The following VANGL1 variants were observed in gnomAD, a reference collection of about 807,000 sequenced individuals.
The protein encoded by VANGL1 is vang-like protein 1.
Under a neutral mutation model 48.4 loss-of-function variants are expected in VANGL1, and 18 were observed. The observed-to-expected ratio is 0.37, with a 90% CI of 0.26 to 0.55. The LOEUF is 0.55. Among genes scored for constraint, VANGL1 ranks in the 20% least tolerant of loss-of-function variants. VANGL1 has a pLI of 0.81. For missense variants in VANGL1, 667 were observed against 675.8 expected (o/e 0.99, Z 0.14); for synonymous variants, 257 against 261.8 (o/e 0.98, Z 0.18).
At chr1:115,651,949 G>GT (rs1409284548) in intron 2 of VANGL1, among the ~76,000 whole-genome samples, 1 of 152,022 alleles carries the variant, frequency 6.6e-6, no homozygotes, top group Non-Finnish European at 1.5e-5. Context: ...TAGAGACGGG[G>GT]TTTCACCTTG....
Position 115,661,413 on chromosome 1 carries a change from AT to A in VANGL1, c.204+1643del, listed in dbSNP as rs113410392. 8.1e-3 allele frequency among the ~76,000 whole-genome samples: 1,228 copies of A among 152,032 alleles called. 19 individuals carry two copies. The highest frequency in any genetic ancestry group is 0.028 in the African/African-American group (1,164 of 41,418). ...GTAGATCAATTTTGCCTGTTTTTGA[AT>A]TTAGTATAATTAGAATCATATGGTC... On this transcript the variant is annotated intron_variant, in intron 3 of 7. Coordinates refer to ENST00000355485, the MANE Select transcript of VANGL1 (RefSeq NM_138959.3).
intron 3 of VANGL1, among the ~76,000 whole-genome samples, chr1:115,662,429 A>G (rs1365179061): frequency 6.6e-6 from 1 of 152,242 alleles, no homozygotes; most frequent in Non-Finnish European, 1.5e-5. Flanking sequence ...GTGTCTTTTC[A>G]GCGCCTTGCT....
chr1:115,661,418 G>A (rs973229176), intron 3 of VANGL1, among the ~76,000 whole-genome samples: 2 of 152,048 alleles, frequency 1.3e-5, no homozygotes, highest in Non-Finnish European at 1.5e-5. Flanking sequence ...TTTGAATTTA[G>A]TATAATTAGA....
chr1:115,693,299 T>A lies in VANGL1; in HGVS notation c.*1920T>A. The A allele has an allele frequency of 6.6e-6, 1 of 152,648 alleles. No individual in the cohort carries two copies. The highest frequency in any genetic ancestry group is 1.9e-4 in the East Asian group (1 of 5,192). The allele number at this position is 152,648 out of a possible 1,614,324, so 9.5% of individuals were successfully genotyped here. ...GGGAAATGGGGTAAGAGATGGCAAGTGTGAGACGGGCTGTGTCAGAGGTTG... is the reference window on the plus strand; with the variant it reads ...GGGAAATGGGGTAAGAGATGGCAAGAGTGAGACGGGCTGTGTCAGAGGTTG... On this transcript the variant is annotated 3_prime_UTR_variant, in exon 8 of 8. Coordinates refer to ENST00000355485, the MANE Select transcript of VANGL1 (RefSeq NM_138959.3).
At chr1:115,653,487 A>G (rs1237397920) in intron 2 of VANGL1, among the ~76,000 whole-genome samples, 1 of 152,184 alleles carries the variant, frequency 6.6e-6, no homozygotes, top group Non-Finnish European at 1.5e-5. Flanking sequence ...CCACACCACA[A>G]TGACAGAAGT....
chr1:115,694,952 G>C lies in VANGL1; in HGVS notation c.*3573G>C, dbSNP rs748702604. 1.3e-5 allele frequency: 2 copies of C among 152,148 alleles called. No homozygotes were observed. The highest frequency in any genetic ancestry group is 2.9e-5 in the Non-Finnish European group (2 of 68,026). 9.4% of individuals were successfully genotyped at this position (152,148 alleles called of 1,614,324 possible). On this transcript the variant is annotated 3_prime_UTR_variant, in exon 8 of 8. Transcript: ENST00000355485. ...GTTTGAGAGATGACTTAATAACCCT[G>C]TGTTTTGAGAGGTCGCTCTAAACCA... is the stretch of plus-strand genomic sequence containing the variant.
At chr1:115,657,078 C>G (rs1557764275) in intron 2 of VANGL1, among the ~76,000 whole-genome samples, 1 of 152,158 alleles carries the variant, frequency 6.6e-6, no homozygotes, top group Admixed American at 6.5e-5. Context: ...AGAAACTGAC[C>G]TAACAACGTG....
At chr1:115,685,840 T>C (rs1653588403) in intron 7 of VANGL1, among the ~76,000 whole-genome samples, 1 of 152,050 alleles carries the variant, frequency 6.6e-6, no homozygotes, top group East Asian at 1.9e-4. Flanking sequence ...ACTGATTCAT[T>C]CTAACCTGGC....
intron 4 of VANGL1, among the ~76,000 whole-genome samples, chr1:115,666,232 G>A (rs1652780642): frequency 1.3e-5 from 2 of 152,188 alleles, no homozygotes; most frequent in South Asian, 2.1e-4. Context: ...TTCCACCTGT[G>A]TAGGTGGGAA....
At chr1:115,664,976 T>A (rs1292861574) in intron 4 of VANGL1, among the ~76,000 whole-genome samples, 1 of 152,218 alleles carries the variant, frequency 6.6e-6, no homozygotes, top group Non-Finnish European at 1.5e-5. Context: ...TAGAACCCCG[T>A]GACCTAGGTA....
At chr1:115,670,892 G>A (rs567366061) in intron 4 of VANGL1, among the ~76,000 whole-genome samples, 12 of 152,346 alleles carry the variant, frequency 7.9e-5, no homozygotes, top group South Asian at 4.1e-4. Context: ...ATAGAGCGTG[G>A]AGGGTTTTGC....
At position 115,683,962 on chromosome 1, in the gene VANGL1, C is replaced by T. The variant is rs920761749; in HGVS notation, c.965C>T (p.Thr322Ile). ...CCCAAAGGCCCCAGTAACAATGCCA[C>T]TGGCCAGTCCCGGGCCATGATTGCT... ...YNVDGPSNNA[T>I]GQSRAMIAAA... is the part of the protein sequence containing the mutation. Residue 322 changes from threonine (T) to isoleucine (I), a missense_variant, in exon 6 of 8, where the codon ACT (threonine) becomes ATT (isoleucine). Thr to Ile is a moderately conservative substitution (Grantham distance 89). Coordinates refer to ENST00000355485, the MANE Select transcript of VANGL1 (RefSeq NM_138959.3). The T allele has an allele frequency of 7.4e-6, 12 of 1,613,900 alleles. No homozygotes were observed. Among genetic ancestry groups the T allele is most frequent in the Non-Finnish European group, 9.3e-6 (11 of 1,179,862 alleles).
In VANGL1 at chr1:115,687,938, GTAGATAGATAGATAGA is replaced by G. The variant is rs71096827; in HGVS notation, c.1314+2448_1314+2463del. ...CCGGCCTATATATATCATTCATTAG[GTAGATAGATAGATAGA>G]TAGATAGATAGATAGATAGATAGAT... On this transcript the variant is annotated intron_variant, in intron 7 of 7. Coordinates refer to ENST00000355485, the MANE Select transcript of VANGL1 (RefSeq NM_138959.3). Among the ~76,000 whole-genome samples, 38 of 112,704 alleles carry G rather than the reference GTAGATAGATAGATAGA, an allele frequency of 3.4e-4. 6 individuals carry two copies. Among genetic ancestry groups the G allele is most frequent in the South Asian group, 1.7e-3 (5 of 3,016 alleles). The allele number at this position is 112,704 out of a possible 152,430, so 73.9% of individuals were successfully genotyped here.
At chr1:115,642,635 C>A (rs1462502732) in intron 1 of VANGL1, 6 of 152,232 alleles carry the variant, frequency 3.9e-5, no homozygotes, top group Admixed American at 3.3e-4. Flanking sequence ...ACACCTCGCT[C>A]ACAAAAAATT....
Position 115,687,703 on chromosome 1 carries a change from C to CTGTGTGTG in VANGL1, c.1314+2177_1314+2178insGTGTGTGT, listed in dbSNP as rs1286240607. On this transcript the variant is annotated intron_variant, in intron 7 of 7. Coordinates refer to ENST00000355485, the MANE Select transcript of VANGL1 (RefSeq NM_138959.3). ...GAAATTGGGTCATTGCTCTCTCTTTCTCTGTGTGTGTGTGTGTGTGTGTGT... is the reference window on the plus strand; with the variant it reads ...GAAATTGGGTCATTGCTCTCTCTTTCTGTGTGTGTCTGTGTGTGTGTGTGTGTGTGTGT... Among the ~76,000 whole-genome samples the CTGTGTGTG allele has an allele frequency of 4.3e-5, 3 of 69,644 alleles. 1 individual carries two copies. Among genetic ancestry groups the CTGTGTGTG allele is most frequent in the Non-Finnish European group, 8.3e-5 (3 of 36,304 alleles). The allele number at this position is 69,644 out of a possible 152,430, so 45.7% of individuals were successfully genotyped here.
intron 7 of VANGL1, among the ~76,000 whole-genome samples, chr1:115,690,473 A>T (rs1184695685): frequency 6.6e-6 from 1 of 152,262 alleles, no homozygotes; most frequent in East Asian, 1.9e-4. Context: ...GGCCATGTGC[A>T]CACTTAGCCC....
rs1036724994 is a variant in VANGL1, at chr1:115,651,268, C to G, written c.-137-9C>G. 9 of 682,426 alleles carry G rather than the reference C, an allele frequency of 1.3e-5. No individual in the cohort carries two copies. In the African/African-American group the frequency reaches 1.5e-4, roughly 11 times the overall value. 42.3% of individuals were successfully genotyped at this position (682,426 alleles called of 1,614,324 possible). A position where few individuals can be genotyped will look rare whatever the true frequency, so the allele number is the denominator to read the frequency against. ...GATTAATGTCTTTTTTTTTCCCCCT[C>G]TTTCCCAGAATTTGTTCCTGTTGAA... On this transcript the variant is annotated splice_polypyrimidine_tract_variant and intron_variant, in intron 1 of 7. Coordinates refer to ENST00000355485, the MANE Select transcript of VANGL1 (RefSeq NM_138959.3).
At chr1:115,664,326 T>C in intron 4 of VANGL1, 58 bp downstream of exon 4, 1 of 1,590,276 alleles carries the variant, frequency 6.3e-7, no homozygotes, top group South Asian at 1.1e-5. Context: ...GGGAGACAGC[T>C]GCTCTGTAGC....
intron 5 of VANGL1, among the ~76,000 whole-genome samples, chr1:115,683,601 A>G (rs1219602050): frequency 1.3e-5 from 2 of 152,278 alleles, no homozygotes. Flanking sequence ...CTTATGGCCA[A>G]ACTGAAACTT....
Sources: allele counts gnomAD v4.1 joint callset (sites outside exome capture counted in the v4.1 genomes callset), GRCh38; gene constraint gnomAD v4.1.1; transcripts MANE v1.5; gene names NCBI Gene and HGNC (gene_info 2026-07-23, HGNC 2026-07-21).